Variants in SLCO1A2 observed in about 807,000 individuals in gnomAD.
SLCO1A2 encodes the protein solute carrier organic anion transporter family member 1A2.
A neutral mutation model predicts 69.0 loss-of-function variants in SLCO1A2; 67 were observed. The observed-to-expected ratio is 0.97, with a 90% CI of 0.80 to 1.19. The LOEUF (loss-of-function observed/expected upper bound fraction) is 1.19, where lower values mean the gene tolerates loss of function less well. SLCO1A2 is among the 50% of genes most tolerant of loss of function. The probability of loss-of-function intolerance (pLI) is 0.00; values close to 1 mark genes in which losing one functional copy is unlikely to be tolerated. For synonymous variants in SLCO1A2, 260 were observed against 265.9 expected, an observed-to-expected ratio of 0.98 and a Z score of 0.22; for missense variants, 787 against 793.7, an observed-to-expected ratio of 0.99 and a Z score of 0.10.
intron 2 of SLCO1A2, among the ~76,000 whole-genome samples, chr12:21,358,314 T>C (rs1263279103): frequency 2.0e-5 from 3 of 152,216 alleles, no homozygotes; most frequent in Non-Finnish European, 4.4e-5. Context: ...TAAGCATTCT[T>C]AGTGGAATGA....
chr12:21,287,188 A>C (rs1365982168), intron 12 of SLCO1A2, among the ~76,000 whole-genome samples: 1 of 141,804 alleles, frequency 7.1e-6, no homozygotes, highest in Non-Finnish European at 1.5e-5. Flanking sequence ...ACCCCATCAA[A>C]AAGTGGGCAA....
chr12:21,360,555 A>G (rs1938760862), intron 2 of SLCO1A2, among the ~76,000 whole-genome samples: 1 of 152,222 alleles, frequency 6.6e-6, no homozygotes, highest in African/African-American at 2.4e-5. Context: ...GGCTTGCCAG[A>G]CAAGTGGGTG....
intron 1 of SLCO1A2, among the ~76,000 whole-genome samples, chr12:21,412,299 T>C (rs1333373977): frequency 6.6e-6 from 1 of 151,950 alleles, no homozygotes; most frequent in Admixed American, 6.6e-5. Flanking sequence ...GAGAATCGCT[T>C]GAACCTGGGA....
At chr12:21,315,635 T>C (rs886674696) in intron 3 of SLCO1A2, among the ~76,000 whole-genome samples, 1 of 152,236 alleles carries the variant, frequency 6.6e-6, no homozygotes, top group Admixed American at 6.5e-5. Flanking sequence ...TTTTCTCTAG[T>C]CTGCCTTGTG....
At chr12:21,322,174 A>ATGTAATGTT (rs1167793731) in intron 2 of SLCO1A2, among the ~76,000 whole-genome samples, 2 of 152,254 alleles carry the variant, frequency 1.3e-5, no homozygotes, top group East Asian at 3.8e-4. Flanking sequence ...CTTATAAACA[A>ATGTAATGTT]CAGAAATGTA....
chr12:21,353,166 A>G (rs1436140300), intron 2 of SLCO1A2, among the ~76,000 whole-genome samples: 11 of 152,204 alleles, frequency 7.2e-5, no homozygotes. Context: ...CCAAGAATTT[A>G]TAACTAAGAG....
chr12:21,349,838 C>T (rs1937785696), intron 2 of SLCO1A2, among the ~76,000 whole-genome samples: 1 of 152,134 alleles, frequency 6.6e-6, no homozygotes, highest in South Asian at 2.1e-4. Context: ...TAATCTAACA[C>T]CCTGAACCTG....
At chr12:21,343,287 A>G (rs1393725487) in intron 2 of SLCO1A2, among the ~76,000 whole-genome samples, 1 of 152,094 alleles carries the variant, frequency 6.6e-6, no homozygotes, top group Admixed American at 6.6e-5. Context: ...TCCTATGATC[A>G]TTTCTACTTG....
intron 1 of SLCO1A2, among the ~76,000 whole-genome samples, chr12:21,385,106 T>C (rs1940810853): frequency 2.0e-5 from 3 of 152,170 alleles, no homozygotes; most frequent in Admixed American, 2.0e-4. Context: ...ATGGACATAA[T>C]GCCCTGATTA....
At chr12:21,378,227 ATGT>A (rs1940347806) in intron 1 of SLCO1A2, 1 of 1,613,602 alleles carries the variant, frequency 6.2e-7, no homozygotes, top group South Asian at 1.1e-5. Flanking sequence ...CATTTGTTCC[ATGT>A]TACCAGTCAT....
At chr12:21,364,029 C>A (rs918682952) in intron 2 of SLCO1A2, among the ~76,000 whole-genome samples, 3 of 152,080 alleles carry the variant, frequency 2.0e-5, no homozygotes, top group African/African-American at 7.2e-5. Flanking sequence ...AAGAGGGAAT[C>A]CTCCCTCAGT....
intron 1 of SLCO1A2, chr12:21,378,612 G>C: frequency 1.9e-6 from 1 of 526,938 alleles, no homozygotes; most frequent in Admixed American, 3.2e-5. Flanking sequence ...TAAAAAGATA[G>C]TATCTTTTAA....
At chr12:21,358,949 T>C (rs1361016506) in intron 2 of SLCO1A2, among the ~76,000 whole-genome samples, 4 of 152,138 alleles carry the variant, frequency 2.6e-5, no homozygotes, top group Non-Finnish European at 4.4e-5. Context: ...AGGCTGAAGA[T>C]ATTCACATAT....
intron 1 of SLCO1A2, among the ~76,000 whole-genome samples, chr12:21,383,931 A>G (rs551387546): frequency 9.3e-5 from 14 of 150,654 alleles, no homozygotes; most frequent in African/African-American, 3.0e-4. Flanking sequence ...TCTAGGAATA[A>G]TGAAAAAACA....
rs372811097 is a variant in SLCO1A2, at chr12:21,349,274, T to G, written c.-62-14565A>C. On this transcript the variant is annotated intron_variant, in intron 2 of 15. Coordinates refer to the SLCO1A2 transcript ENST00000307378. The stretch of plus-strand genomic sequence containing the variant: ...TGAATAAGAGAAGAGAACAGGAAAG[T>G]TGGGGAGGGGGAAAGATAGAGACTC... 2.0e-4 allele frequency among the ~76,000 whole-genome samples: 30 copies of G among 151,908 alleles called. No individual in the cohort carries two copies. In the South Asian group the frequency reaches 6.2e-3, roughly 32 times the overall value.
At chr12:21,378,632 T>C in intron 1 of SLCO1A2, 1 of 514,498 alleles carries the variant, frequency 1.9e-6, no homozygotes, top group Non-Finnish European at 3.4e-6. Context: ...AAATGAAATG[T>C]TTTTGCTATA....
intron 4 of SLCO1A2, among the ~76,000 whole-genome samples, chr12:21,313,333 T>C (rs7977517): frequency 0.37 from 56,019 of 152,140 alleles, 10,993 homozygotes; most frequent in African/African-American, 0.5. Flanking sequence ...GTGAGAAATG[T>C]AATATCTGCA....
intron 6 of SLCO1A2, among the ~76,000 whole-genome samples, chr12:21,301,559 C>A (rs1390388926): frequency 6.6e-6 from 1 of 152,156 alleles, no homozygotes; most frequent in Non-Finnish European, 1.5e-5. Flanking sequence ...CAGCTGGGAT[C>A]ATGCCATTGA....
intron 14 of SLCO1A2, among the ~76,000 whole-genome samples, chr12:21,270,762 T>C (rs1264557278): frequency 6.6e-6 from 1 of 151,598 alleles, no homozygotes; most frequent in East Asian, 1.9e-4. Flanking sequence ...TGTTTCTAAA[T>C]TGTTATATCT....
Sources: gnomAD v4.1 joint callset for allele counts (sites outside exome capture counted in the v4.1 genomes callset) on GRCh38, gnomAD v4.1.1 for gene constraint, MANE v1.5 for transcripts, NCBI Gene and HGNC (gene_info 2026-07-23, HGNC 2026-07-21) for gene names.